KCNK9: variants seen among roughly 807,000 people sequenced by gnomAD.
KCNK9 encodes potassium two pore domain channel subfamily K member 9, also known as potassium channel subfamily K member 9.
A neutral mutation model predicts 10.8 loss-of-function variants in KCNK9; 1 was observed. The ratio of observed to expected loss-of-function variants is 0.09; its 90% CI spans 0.03 to 0.44. KCNK9 has a LOEUF of 0.44. Ranked by LOEUF, KCNK9 falls within the 20% of genes least tolerant of loss-of-function variation. The probability of loss-of-function intolerance (pLI) is 0.97; values close to 1 mark genes in which losing one functional copy is unlikely to be tolerated. For missense variants in KCNK9, 303 were observed against 515.0 expected (o/e 0.59, Z 3.98); for synonymous variants, 231 against 222.7 (o/e 1.04, Z -0.33).
At chr8:139,623,116 T>C (rs1179298968) in intron 1 of KCNK9, among the ~76,000 whole-genome samples, 1 of 152,192 alleles carries the variant, frequency 6.6e-6, no homozygotes, top group Non-Finnish European at 1.5e-5. Context: ...CTACAGATTG[T>C]ATGTAGAAGA....
At chr8:139,644,722 C>T (rs1990899) in intron 1 of KCNK9, among the ~76,000 whole-genome samples, 58,352 of 144,800 alleles carry the variant, frequency 0.4, 15,280 homozygotes, top group South Asian at 0.58. Context: ...CTGTCCCCCC[C>T]CCCCAGAGCC....
At chr8:139,613,729 C>T (rs772878614), downstream of KCNK9, among the ~76,000 whole-genome samples, 6 of 152,214 alleles carry the variant, frequency 3.9e-5, no homozygotes, top group Non-Finnish European at 5.9e-5. Context: ...TGGAGCACAG[C>T]ACAATAACAG....
intron 1 of KCNK9, among the ~76,000 whole-genome samples, chr8:139,657,926 G>A (rs1816060676): frequency 6.6e-6 from 1 of 152,188 alleles, no homozygotes; most frequent in African/African-American, 2.4e-5. Flanking sequence ...GATTCTCCCT[G>A]TCCAACAGCA....
intron 1 of KCNK9, among the ~76,000 whole-genome samples, chr8:139,622,229 A>G (rs1445607209): frequency 6.6e-6 from 1 of 152,218 alleles, no homozygotes; most frequent in Non-Finnish European, 1.5e-5. Context: ...GGTCTTCCCC[A>G]TTAACACATT....
At chr8:139,604,075 G>C (rs569773530) in intron 2 of KCNK9, among the ~76,000 whole-genome samples, 20 of 152,316 alleles carry the variant, frequency 1.3e-4, no homozygotes, top group African/African-American at 4.6e-4. Flanking sequence ...AGTGCAGGCC[G>C]TGAGACTAAT....
At chr8:139,658,471 C>T (rs1816074290) in intron 1 of KCNK9, among the ~76,000 whole-genome samples, 1 of 152,196 alleles carries the variant, frequency 6.6e-6, no homozygotes, top group Non-Finnish European at 1.5e-5. Context: ...ACGGGTCACG[C>T]CTGACTTCCC....
At chr8:139,697,425 A>G (rs1817089570) in intron 1 of KCNK9, among the ~76,000 whole-genome samples, 1 of 148,940 alleles carries the variant, frequency 6.7e-6, no homozygotes, top group African/African-American at 2.5e-5. Flanking sequence ...GGATAGACAG[A>G]TGGATGGATG....
intron 1 of KCNK9, among the ~76,000 whole-genome samples, chr8:139,700,310 C>T (rs1275626537): frequency 6.6e-6 from 1 of 152,130 alleles, no homozygotes; most frequent in African/African-American, 2.4e-5. Flanking sequence ...TATTGTGAGA[C>T]ATCTCTTCTG....
At chr8:139,683,736 C>T (rs555216455) in intron 1 of KCNK9, among the ~76,000 whole-genome samples, 1 of 152,326 alleles carries the variant, frequency 6.6e-6, no homozygotes, top group East Asian at 1.9e-4. Flanking sequence ...GAACAGGCCA[C>T]CAGAAGGTCC....
chr8:139,672,867 G>A (rs559964439), intron 1 of KCNK9, among the ~76,000 whole-genome samples: 5 of 152,352 alleles, frequency 3.3e-5, no homozygotes, highest in South Asian at 2.1e-4. Context: ...GGGCACCTGC[G>A]TGGGTTCCAC....
chr8:139,626,118 A>T (rs1381052494), intron 1 of KCNK9, among the ~76,000 whole-genome samples: 1 of 152,202 alleles, frequency 6.6e-6, no homozygotes, highest in African/African-American at 2.4e-5. Flanking sequence ...CCCCACTGGA[A>T]AAAGGCAAAT....
intron 1 of KCNK9, among the ~76,000 whole-genome samples, chr8:139,669,154 C>G (rs1318661919): frequency 6.6e-6 from 1 of 151,804 alleles, no homozygotes; most frequent in Admixed American, 6.6e-5. Context: ...GAGCCTTGAG[C>G]AAGTTATAAT....
At chr8:139,658,045 G>A (rs1002984450) in intron 1 of KCNK9, among the ~76,000 whole-genome samples, 1 of 152,218 alleles carries the variant, frequency 6.6e-6, no homozygotes, top group African/African-American at 2.4e-5. Flanking sequence ...CAAGTCCTTG[G>A]TTGTATCAGG....
chr8:139,680,137 G>A lies in KCNK9; in HGVS notation c.283+22573C>T, dbSNP rs188861488. On this transcript the variant is annotated intron_variant, in intron 1 of 1. Coordinates refer to ENST00000520439, the MANE Select transcript of KCNK9 (RefSeq NM_001282534.2). ...CCCAAGGCCAGCAAGGGCCGGCAGC[G>A]TCCCTTCCAGCTGGCAGCGCCTCTG... Among the ~76,000 whole-genome samples the A allele has an allele frequency of 3.2e-3, 489 of 152,252 alleles. 2 individuals are homozygous for A. Among genetic ancestry groups the A allele is most frequent in the African/African-American group, 6.7e-3 (279 of 41,548 alleles).
chr8:139,628,428 C>A lies in KCNK9; in HGVS notation c.284-9329G>T, dbSNP rs563699106. ...GTAATCTAAGGCCCCTTCCCACAAT[C>A]GCCATGGAGAACTTGAGCCCCAGGC... is the stretch of plus-strand genomic sequence containing the variant. On this transcript the variant is annotated intron_variant, in intron 1 of 1. Transcript: ENST00000520439. 2.6e-5 allele frequency among the ~76,000 whole-genome samples: 4 copies of A among 152,342 alleles called. No homozygotes were observed. The South Asian group carries it at 6.2e-4, about 24-fold the overall frequency.
At chr8:139,670,507 T>G (rs149034241) in intron 1 of KCNK9, among the ~76,000 whole-genome samples, 1 of 152,176 alleles carries the variant, frequency 6.6e-6, no homozygotes, top group African/African-American at 2.4e-5. Flanking sequence ...GTGTTAGGTA[T>G]TGGAAGTAAT....
chr8:139,647,764 T>A (rs1283493966), intron 1 of KCNK9, among the ~76,000 whole-genome samples: 1 of 143,346 alleles, frequency 7.0e-6, no homozygotes, highest in Non-Finnish European at 1.5e-5. Context: ...TTCTGAGCCC[T>A]AAGGGACTTC....
intron 1 of KCNK9, among the ~76,000 whole-genome samples, chr8:139,630,986 GGGC>G (rs1403186908): frequency 6.6e-6 from 1 of 152,220 alleles, no homozygotes; most frequent in African/African-American, 2.4e-5. Flanking sequence ...TGTGCCTCAG[GGGC>G]TCCGCTCCCT....
At chr8:139,636,093 C>A (rs1451991610) in intron 1 of KCNK9, among the ~76,000 whole-genome samples, 1 of 152,118 alleles carries the variant, frequency 6.6e-6, no homozygotes, top group Non-Finnish European at 1.5e-5. Context: ...GACCAGAAAC[C>A]AATATGGTGG....
Sources: allele counts gnomAD v4.1 joint callset (sites outside exome capture counted in the v4.1 genomes callset), GRCh38; gene constraint gnomAD v4.1.1; transcripts MANE v1.5; gene names NCBI Gene and HGNC (gene_info 2026-07-23, HGNC 2026-07-21).